The following MYO1F variants were observed in gnomAD, a reference collection of about 807,000 sequenced individuals.
MYO1F encodes the protein unconventional myosin-If.
A neutral mutation model predicts 146.6 loss-of-function variants in MYO1F; 60 were observed. The ratio of observed to expected loss-of-function variants is 0.41; its 90% CI spans 0.33 to 0.51. MYO1F has a LOEUF of 0.51. Among genes scored for constraint, MYO1F ranks in the 20% least tolerant of loss-of-function variants. The pLI is 0.25. For missense variants in MYO1F, 1,274 were observed against 1,534.3 expected, an observed-to-expected ratio of 0.83 and a Z score of 2.83; for synonymous variants, 602 against 602.1, an observed-to-expected ratio of 1.00 and a Z score of 0.00.
At chr19:8,532,907 CACACACACACACA>C (rs1568337695) in intron 19 of MYO1F, among the ~76,000 whole-genome samples, 1 of 49,252 alleles carries the variant, frequency 2.0e-5, no homozygotes, top group Non-Finnish European at 3.7e-5. Flanking sequence ...AAAAAATACA[CACACACACACACA>C]CACACACACA....
chr19:8,564,578 G>A (rs1225592878), intron 1 of MYO1F, among the ~76,000 whole-genome samples: 5 of 152,030 alleles, frequency 3.3e-5, no homozygotes, highest in Admixed American at 6.6e-5. Flanking sequence ...CAGATGGGAC[G>A]AGGGTGGGTT....
chr19:8,523,044 T>G (rs930158740), intron 25 of MYO1F, among the ~76,000 whole-genome samples: 2 of 151,598 alleles, frequency 1.3e-5, no homozygotes, highest in Admixed American at 6.6e-5. Context: ...ACTTTTTTTT[T>G]TTTTTGAGAT....
chr19:8,526,349 GTC>G (rs35536931), intron 24 of MYO1F, 102 bp downstream of exon 24: 21,980 of 1,205,722 alleles, frequency 0.018, no homozygotes, highest in Middle Eastern at 0.024. Context: ...AAACTCAAAA[GTC>G]TCTCTCTCTC....
At chr19:8,550,018 T>C in intron 10 of MYO1F, 142 bp downstream of exon 10, 1 of 959,048 alleles carries the variant, frequency 1.0e-6, no homozygotes, top group Non-Finnish European at 1.6e-6. Flanking sequence ...CAGGCTGGTC[T>C]TGAACTTCTG....
Position 8,537,042 on chromosome 19 carries a change from T to A in MYO1F, c.1706A>T (p.Asp569Val), listed in dbSNP as rs1599937066. 1 of 1,610,808 alleles carries A rather than the reference T, an allele frequency of 6.2e-7. No individual in the cohort carries two copies. Among genetic ancestry groups the A allele is most frequent in the East Asian group, 2.2e-5 (1 of 44,702 alleles). ...AGSKIKKQAN[D>V]LVATLMRCTP... ...GCACCTCATCAGTGTGGCCACCAGG[T>A]CGTTGGCTTGTTTCTGAGGCAGAAG... Residue 569 changes from aspartate to valine, a missense_variant, in exon 17 of 28, where the codon GAC becomes GTC. This residue lies in a region of MYO1F where 900 missense variants were observed against 1,155.1 expected (regional missense o/e 0.78). Coordinates refer to ENST00000644032, the MANE Select transcript of MYO1F (RefSeq NM_012335.4).
intron 1 of MYO1F, among the ~76,000 whole-genome samples, chr19:8,568,432 A>AC (rs2042047215): frequency 6.8e-6 from 1 of 148,066 alleles, no homozygotes; most frequent in African/African-American, 2.6e-5. Flanking sequence ...CAAAAAAAAA[A>AC]AAAAAAAAAA....
At chr19:8,550,819 C>G in intron 8 of MYO1F, 125 bp from the exon 9 acceptor site, 1 of 1,245,650 alleles carries the variant, frequency 8.0e-7, no homozygotes, top group Non-Finnish European at 1.1e-6. Context: ...TGTCCTACCC[C>G]TTTCAGTCAC....
intron 17 of MYO1F, 143 bp from the exon 18 acceptor site, chr19:8,536,740 G>A: frequency 3.9e-6 from 1 of 256,278 alleles, no homozygotes; most frequent in Non-Finnish European, 7.4e-6. Flanking sequence ...GTGGTCTGGG[G>A]GGGCTTCGGG....
At position 8,522,635 on chromosome 19, in the gene MYO1F, C is replaced by T. The variant is rs374018985; in HGVS notation, c.3049G>A (p.Gly1017Ser). 16 of 1,613,340 alleles carry T rather than the reference C, an allele frequency of 9.9e-6. No homozygotes were observed. The highest frequency in any genetic ancestry group is 2.2e-5 in the East Asian group (1 of 44,852). ...GAGCTGCCCTCCCACCCCACCTACCCGGCCATGCCCTGGTCAGGCACGTTG... is the reference window on the plus strand; with the variant it reads ...GAGCTGCCCTCCCACCCCACCTACCTGGCCATGCCCTGGTCAGGCACGTTG... ...FLNVPDQGMA[G>S]MQRKRSVGQR... is the part of the protein sequence containing the mutation. Residue 1017 changes from glycine to serine, a missense_variant and splice_region_variant, in exon 26 of 28, where the codon GGC becomes AGC. Physicochemically the swap from Gly to Ser is moderately conservative, Grantham distance 56. Transcript: ENST00000644032.
chr19:8,553,888 A>ACTCTCTCT (rs1318395114), intron 4 of MYO1F, among the ~76,000 whole-genome samples: 2 of 67,632 alleles, frequency 3.0e-5, no homozygotes, highest in East Asian at 9.1e-4. Context: ...ACACACACAC[A>ACTCTCTCT]CACACACTCT....
At chr19:8,563,585 T>G (rs959417986) in intron 1 of MYO1F, among the ~76,000 whole-genome samples, 4 of 151,816 alleles carry the variant, frequency 2.6e-5, no homozygotes, top group Non-Finnish European at 4.4e-5. Context: ...CTCAGCTCAC[T>G]GCAACCTTCG....
At chr19:8,568,660 G>T (rs914424269) in intron 1 of MYO1F, among the ~76,000 whole-genome samples, 1 of 151,922 alleles carries the variant, frequency 6.6e-6, no homozygotes, top group African/African-American at 2.4e-5. Flanking sequence ...GGTGGCTCAC[G>T]CCTGTAATCC....
At chr19:8,538,877 C>T (rs1972840040) in intron 16 of MYO1F, among the ~76,000 whole-genome samples, 1 of 152,136 alleles carries the variant, frequency 6.6e-6, no homozygotes, top group Non-Finnish European at 1.5e-5. Context: ...GCAGTGTTTC[C>T]TGGGGACACA....
At chr19:8,566,489 A>T (rs986790113) in intron 1 of MYO1F, among the ~76,000 whole-genome samples, 13 of 143,812 alleles carry the variant, frequency 9.0e-5, no homozygotes, top group East Asian at 4.3e-4. Flanking sequence ...TTTAAAAAAA[A>T]TTTTATTTTT....
Position 8,537,075 on chromosome 19 carries a change from G to A in MYO1F, c.1693-20C>T, listed in dbSNP as rs34256101. The A allele has an allele frequency of 0.035, 53,385 of 1,527,178 alleles. 1,110 individuals are homozygous for A. The highest frequency in any genetic ancestry group is 0.053 in the South Asian group (4,711 of 88,384). 94.6% of individuals were successfully genotyped at this position (1,527,178 alleles called of 1,614,324 possible). ...TTGTTTCTGAGGCAGAAGTGAAGACGGGTGGGTGGGGGGCACAGAGATGGG... is the reference window on the plus strand; with the variant it reads ...TTGTTTCTGAGGCAGAAGTGAAGACAGGTGGGTGGGGGGCACAGAGATGGG... On this transcript the variant is annotated intron_variant, in intron 16 of 27. Coordinates refer to ENST00000644032, the MANE Select transcript of MYO1F (RefSeq NM_012335.4).
chr19:8,544,269 C>A (rs187227196), intron 14 of MYO1F, 28 bp downstream of exon 14: 29 of 1,610,120 alleles, frequency 1.8e-5, no homozygotes, highest in Non-Finnish European at 2.5e-5. Flanking sequence ...CGAGGAGGCA[C>A]AGGGTAGGGT....
At chr19:8,569,240 G>A (rs971124060) in intron 1 of MYO1F, among the ~76,000 whole-genome samples, 58 of 152,160 alleles carry the variant, frequency 3.8e-4, no homozygotes, top group African/African-American at 1.3e-3. Flanking sequence ...CTTCCTTGGG[G>A]GTGGGGATGC....
chr19:8,530,715 G>A lies in MYO1F; in HGVS notation c.2044-142C>T. The A allele has an allele frequency of 1.5e-6, 1 of 688,658 alleles. No homozygotes were observed. The highest frequency in any genetic ancestry group is 2.6e-6 in the Non-Finnish European group (1 of 389,838). The allele number at this position is 688,658 out of a possible 1,614,324, so 42.7% of individuals were successfully genotyped here. On this transcript the variant is annotated intron_variant, in intron 19 of 27. Transcript: ENST00000644032. This position sits in a 1 kb window ranked among gnomAD's most constrained non-coding sequence, Gnocchi z 5.8. ...TGTGCTAATTTTTTTAAGAGGCGGG[G>A]TCTTTCTAGTGACACTCGTTCATAA...
intron 1 of MYO1F, among the ~76,000 whole-genome samples, chr19:8,559,415 A>T (rs1260470953): frequency 6.6e-6 from 1 of 152,004 alleles, no homozygotes. Context: ...AGGGATGCCC[A>T]TGGGCATTAA....
Sources: allele counts gnomAD v4.1 joint callset (sites outside exome capture counted in the v4.1 genomes callset), GRCh38; gene constraint gnomAD v4.1.1; regional missense constraint gnomAD v4.1.1; non-coding constraint Gnocchi (gnomAD v3.1); transcripts MANE v1.5; gene names NCBI Gene and HGNC (gene_info 2026-07-23, HGNC 2026-07-21).